TENM3: variants seen among roughly 807,000 people sequenced by gnomAD.
The protein encoded by TENM3 is teneurin transmembrane protein 3.
TENM3 carries 63 observed loss-of-function variants against 255.1 expected under a neutral mutation model. The ratio of observed to expected loss-of-function variants is 0.25; its 90% CI spans 0.20 to 0.30. The LOEUF (loss-of-function observed/expected upper bound fraction) is 0.30. TENM3 is among the 10% of genes least tolerant of loss of function. TENM3 has a pLI of 1.00. For synonymous variants in TENM3, 1,306 were observed against 1,322.3 expected (o/e 0.99, Z 0.27); for missense variants, 2,929 against 3,461.1 (o/e 0.85, Z 3.86).
chr4:182,470,895 C>T (rs1733057458), intron 3 of TENM3, among the ~76,000 whole-genome samples: 1 of 152,048 alleles, frequency 6.6e-6, no homozygotes, highest in South Asian at 2.1e-4. Flanking sequence ...CAACAATTAC[C>T]GGGTGTTCAG....
intron 5 of TENM3, among the ~76,000 whole-genome samples, chr4:182,630,991 C>A (rs1487261676): frequency 6.6e-6 from 1 of 152,008 alleles, no homozygotes; most frequent in Middle Eastern, 3.2e-3. Context: ...GTCACTGTTA[C>A]CTGTGAGACT....
chr4:182,303,104 A>G (rs1761941210), intron 1 of TENM3, among the ~76,000 whole-genome samples: 2 of 151,670 alleles, frequency 1.3e-5, no homozygotes, highest in Admixed American at 1.3e-4. Context: ...GGTGATGGGA[A>G]CCTATCTTAA....
chr4:182,076,671 A>G, the TENM3 span, among the ~76,000 whole-genome samples: 7 of 152,162 alleles, frequency 4.6e-5, no homozygotes, highest in African/African-American at 1.7e-4. Context: ...TGGGGGCTGT[A>G]TGGCTGTTTC....
chr4:182,305,669 G>T (rs961559771), intron 1 of TENM3, among the ~76,000 whole-genome samples: 1 of 152,192 alleles, frequency 6.6e-6, no homozygotes, highest in African/African-American at 2.4e-5. Flanking sequence ...CTCTACTTCT[G>T]CACAGCGGCT....
chr4:182,225,586 C>T (rs1008785377), intron 1 of TENM3, among the ~76,000 whole-genome samples: 13 of 152,200 alleles, frequency 8.5e-5, no homozygotes, highest in Admixed American at 3.9e-4. Flanking sequence ...CTGACGACAG[C>T]GGGAGATGAA....
At chr4:182,008,690 G>GT in the TENM3 span, among the ~76,000 whole-genome samples, 1 of 151,902 alleles carries the variant, frequency 6.6e-6, no homozygotes, top group African/African-American at 2.4e-5. Flanking sequence ...ACTCATCATA[G>GT]TTTTTTATTA....
At position 182,754,145 on chromosome 4, in the gene TENM3, GCTATTTGC is replaced by G. The variant is rs1427005928; in HGVS notation, c.4018-237_4018-230del. ...TGACTCACTACGTAGAGGCCTATTT[GCTATTTGC>G]CTGTAACTAGCAAATCTTTCTGTGA... is the stretch of plus-strand genomic sequence containing the variant. On this transcript the variant is annotated intron_variant, in intron 21 of 27. Coordinates refer to ENST00000511685, the MANE Select transcript of TENM3 (RefSeq NM_001080477.4). The surrounding 1 kb of genome is among the most constrained non-coding windows in gnomAD (Gnocchi z 5.1). Among the ~76,000 whole-genome samples, 7 of 152,160 alleles carry G rather than the reference GCTATTTGC, an allele frequency of 4.6e-5. No homozygotes were observed. The highest frequency in any genetic ancestry group is 1.0e-4 in the Non-Finnish European group (7 of 68,042).
chr4:181,451,609 A>G, the TENM3 span, among the ~76,000 whole-genome samples: 20,169 of 152,176 alleles, frequency 0.13, 1,518 homozygotes, highest in East Asian at 0.28. Context: ...CTGGAGACAA[A>G]TGCATGAGTT....
the TENM3 span, among the ~76,000 whole-genome samples, chr4:182,026,501 T>C: frequency 6.6e-6 from 1 of 152,210 alleles, no homozygotes; most frequent in Non-Finnish European, 1.5e-5. Flanking sequence ...TTTGGTTGCC[T>C]GTGCTCGTGG....
the TENM3 span, among the ~76,000 whole-genome samples, chr4:181,899,558 TTTG>T: frequency 1.3e-5 from 2 of 151,930 alleles, no homozygotes; most frequent in East Asian, 3.9e-4. Flanking sequence ...TTTGTTTTGT[TTTG>T]TTTTTTGTTT....
the TENM3 span, among the ~76,000 whole-genome samples, chr4:182,005,196 T>C: frequency 1.3e-5 from 2 of 152,198 alleles, no homozygotes; most frequent in African/African-American, 2.4e-5. Context: ...ATATTTATGG[T>C]TTTGGGTTTT....
upstream of TENM3, among the ~76,000 whole-genome samples, chr4:182,140,396 C>A (rs1430279351): frequency 6.6e-6 from 1 of 152,074 alleles, no homozygotes. Context: ...TGGAAGGTCT[C>A]GGTACCTGAG....
chr4:182,030,715 T>C, the TENM3 span, among the ~76,000 whole-genome samples: 44 of 151,722 alleles, frequency 2.9e-4, no homozygotes, highest in Admixed American at 2.0e-4. Context: ...TAAAAGCATC[T>C]GTTGTTTCCT....
the TENM3 span, among the ~76,000 whole-genome samples, chr4:181,516,288 G>T: frequency 6.6e-6 from 1 of 151,302 alleles, no homozygotes; most frequent in Non-Finnish European, 1.5e-5. Context: ...GGGTTGATAG[G>T]TACAGCCAAC....
the TENM3 span, among the ~76,000 whole-genome samples, chr4:181,777,968 G>A: frequency 1.6e-4 from 25 of 152,114 alleles, no homozygotes; most frequent in African/African-American, 6.0e-4. Flanking sequence ...ATTAAATACA[G>A]TTAAATTTGC....
intron 19 of TENM3, among the ~76,000 whole-genome samples, chr4:182,748,032 T>G (rs2152743377): frequency 6.6e-6 from 1 of 152,304 alleles, no homozygotes; most frequent in Non-Finnish European, 1.5e-5. Context: ...TGTGAATATT[T>G]CTCTAGTCTA....
the TENM3 span, among the ~76,000 whole-genome samples, chr4:181,951,099 T>A: frequency 6.6e-6 from 1 of 152,338 alleles, no homozygotes; most frequent in East Asian, 1.9e-4. Context: ...ATAGATCAGC[T>A]TTAAAAATCT....
the TENM3 span, among the ~76,000 whole-genome samples, chr4:181,798,090 A>AGTGT: frequency 0.092 from 13,779 of 149,800 alleles, 653 homozygotes; most frequent in Middle Eastern, 0.16. Context: ...TTTCAAAATA[A>AGTGT]GTGTGTGTGT....
upstream of TENM3, among the ~76,000 whole-genome samples, chr4:182,241,236 A>G (rs1338383877): frequency 5.9e-5 from 9 of 152,184 alleles, no homozygotes; most frequent in African/African-American, 1.9e-4. Context: ...CATTTAATCA[A>G]TTACTATCCC....
Sources: allele counts gnomAD v4.1 joint callset (sites outside exome capture counted in the v4.1 genomes callset), GRCh38; gene constraint gnomAD v4.1.1; non-coding constraint Gnocchi (gnomAD v3.1); transcripts MANE v1.5; gene names NCBI Gene and HGNC (gene_info 2026-07-23, HGNC 2026-07-21).